The following GEMIN7 variants were observed in gnomAD, a reference collection of about 807,000 sequenced individuals.
GEMIN7 encodes gem-associated protein 7.
GEMIN7 carries 7 observed loss-of-function variants against 7.8 expected under a neutral mutation model. The ratio of observed to expected loss-of-function variants is 0.90; its 90% CI spans 0.51 to 1.69. The LOEUF is 1.69. Among genes scored for constraint, GEMIN7 ranks in the 40% most tolerant of loss-of-function variants. The probability of loss-of-function intolerance (pLI) is 0.00; values close to 1 mark genes in which losing one functional copy is unlikely to be tolerated. For synonymous variants in GEMIN7, 68 were observed against 72.4 expected (o/e 0.94, Z 0.31); for missense variants, 159 against 176.2 (o/e 0.90, Z 0.55).
At chr19:45,081,379 C>T (rs988042867) in intron 2 of GEMIN7, among the ~76,000 whole-genome samples, 6 of 151,806 alleles carry the variant, frequency 4.0e-5, no homozygotes, top group Non-Finnish European at 8.8e-5. Context: ...TTGCTTGAAC[C>T]CGGGAGGCGG....
upstream of GEMIN7, chr19:45,075,929 G>A (rs1299801737): frequency 3.7e-6 from 6 of 1,600,660 alleles, no homozygotes; most frequent in South Asian, 5.6e-5. Context: ...TGCTGAAGGA[G>A]AGGGGAAACC....
upstream of GEMIN7, chr19:45,076,224 G>A: frequency 6.6e-7 from 1 of 1,507,886 alleles, no homozygotes; most frequent in Middle Eastern, 1.8e-4. The surrounding 1 kb of genome is among the most constrained non-coding windows in gnomAD (Gnocchi z 4.9). Context: ...TCGGGGAGAA[G>A]GGCCCCAGCC....
At chr19:45,086,118 T>C (rs190762132) in intron 2 of GEMIN7, among the ~76,000 whole-genome samples, 14 of 150,932 alleles carry the variant, frequency 9.3e-5, no homozygotes, top group Middle Eastern at 3.4e-3. Flanking sequence ...CCGCCTGCCT[T>C]GGCCTCCCAA....
intron 2 of GEMIN7, among the ~76,000 whole-genome samples, chr19:45,086,879 C>T (rs1489660899): frequency 2.0e-5 from 3 of 152,208 alleles, no homozygotes; most frequent in Non-Finnish European, 4.4e-5. Flanking sequence ...ATGAGTCTTG[C>T]TCTGTCGCCC....
chr19:45,078,857 A>G (rs556750751), upstream of GEMIN7, among the ~76,000 whole-genome samples: 2 of 152,298 alleles, frequency 1.3e-5, no homozygotes, highest in East Asian at 1.9e-4. Context: ...CTACTTTCTT[A>G]GTATGCGGCA....
At chr19:45,080,680 G>A (rs1016106918) in intron 2 of GEMIN7, among the ~76,000 whole-genome samples, 27 of 151,692 alleles carry the variant, frequency 1.8e-4, no homozygotes, top group Admixed American at 4.6e-4. Context: ...CACCCAGCCC[G>A]AGGAAAGATT....
At chr19:45,086,072 T>A (rs1967675859) in intron 2 of GEMIN7, among the ~76,000 whole-genome samples, 1 of 151,688 alleles carries the variant, frequency 6.6e-6, no homozygotes, top group Non-Finnish European at 1.5e-5. Flanking sequence ...TTTCACCTTG[T>A]TAGCCAGGAT....
chr19:45,088,427 T>C (rs1425402919), intron 2 of GEMIN7: 1 of 152,068 alleles, frequency 6.6e-6, no homozygotes, highest in Admixed American at 6.5e-5. Context: ...AGGGCTCCAG[T>C]GATTCTCTTA....
At chr19:45,085,108 C>G (rs551403099) in intron 2 of GEMIN7, among the ~76,000 whole-genome samples, 1 of 152,326 alleles carries the variant, frequency 6.6e-6, no homozygotes, top group Non-Finnish European at 1.5e-5. Flanking sequence ...TTAGTACAGA[C>G]AGGGTTTCAC....
At chr19:45,080,683 G>A (rs961430266) in intron 2 of GEMIN7, among the ~76,000 whole-genome samples, 34 of 151,338 alleles carry the variant, frequency 2.2e-4, no homozygotes, top group African/African-American at 7.8e-4. Flanking sequence ...CCAGCCCGAG[G>A]AAAGATTTGA....
At chr19:45,084,505 C>T (rs1213077709) in intron 2 of GEMIN7, among the ~76,000 whole-genome samples, 1 of 151,922 alleles carries the variant, frequency 6.6e-6, no homozygotes, top group Admixed American at 6.6e-5. Context: ...CGGGTTCAAG[C>T]GATTCTTATG....
intron 2 of GEMIN7, among the ~76,000 whole-genome samples, chr19:45,083,629 G>A (rs1479361057): frequency 7.6e-6 from 1 of 131,954 alleles, no homozygotes; most frequent in Non-Finnish European, 1.6e-5. Context: ...TTGAGACAGG[G>A]TCTCACTCTT....
chr19:45,075,740 T>C (rs375760803), upstream of GEMIN7: 212 of 1,613,966 alleles, frequency 1.3e-4, no homozygotes, highest in Non-Finnish European at 1.7e-4. Flanking sequence ...CTGGGGCCTC[T>C]GAAGAGCTGA....
intron 2 of GEMIN7, among the ~76,000 whole-genome samples, chr19:45,087,975 TTG>T (rs577851984): frequency 0.55 from 77,171 of 139,754 alleles, 22,555 homozygotes; most frequent in African/African-American, 0.68. Context: ...AGACAGAGTC[TTG>T]CTCTGTCGCC....
At chr19:45,082,695 T>C (rs1313097785) in intron 2 of GEMIN7, among the ~76,000 whole-genome samples, 2 of 152,038 alleles carry the variant, frequency 1.3e-5, no homozygotes, top group Non-Finnish European at 2.9e-5. Context: ...TATGGCTCAC[T>C]GCAGCCTCCA....
chr19:45,076,756 T>A, upstream of GEMIN7: 2 of 191,534 alleles, frequency 1.0e-5, no homozygotes, highest in East Asian at 2.6e-4. This position sits in a 1 kb window ranked among gnomAD's most constrained non-coding sequence, Gnocchi z 4.9. Flanking sequence ...AAATAGTCGG[T>A]CACGTTTCTT....
upstream of GEMIN7, chr19:45,076,387 G>A (rs769808818): frequency 1.6e-6 from 2 of 1,279,540 alleles, no homozygotes; most frequent in Non-Finnish European, 2.0e-6. The surrounding 1 kb of genome is among the most constrained non-coding windows in gnomAD (Gnocchi z 4.9). Context: ...TCGCGGGCCG[G>A]GCGAGCGAGC....
At chr19:45,085,177 C>T (rs948578009) in intron 2 of GEMIN7, among the ~76,000 whole-genome samples, 2 of 152,236 alleles carry the variant, frequency 1.3e-5, no homozygotes, top group African/African-American at 4.8e-5. Flanking sequence ...GCCTCGGCCT[C>T]CCAAAGTTCT....
chr19:45,089,192 T>C (rs1411707872), intron 2 of GEMIN7, among the ~76,000 whole-genome samples: 3 of 152,174 alleles, frequency 2.0e-5, no homozygotes, highest in Non-Finnish European at 4.4e-5. Context: ...TTCGCCCACC[T>C]TGGCCTCCCA....
Sources: allele counts gnomAD v4.1 joint callset (sites outside exome capture counted in the v4.1 genomes callset), GRCh38; gene constraint gnomAD v4.1.1; non-coding constraint Gnocchi (gnomAD v3.1); transcripts MANE v1.5; gene names NCBI Gene and HGNC (gene_info 2026-07-23, HGNC 2026-07-21).